SCMH1: variants seen among roughly 807,000 people sequenced by gnomAD.
SCMH1 encodes the protein polycomb protein SCMH1.
SCMH1 carries 37 observed loss-of-function variants against 70.8 expected under a neutral mutation model. The observed-to-expected ratio is 0.52, with a 90% CI of 0.40 to 0.69. SCMH1 has a LOEUF of 0.69. Among genes scored for constraint, SCMH1 ranks in the 30% least tolerant of loss-of-function variants. The pLI is 0.00. For synonymous variants in SCMH1, 292 were observed against 307.4 expected, an observed-to-expected ratio of 0.95 and a Z score of 0.52; for missense variants, 607 against 827.3, an observed-to-expected ratio of 0.73 and a Z score of 3.27.
At chr1:41,079,064 A>G (rs1222168035) in intron 8 of SCMH1, among the ~76,000 whole-genome samples, 1 of 152,202 alleles carries the variant, frequency 6.6e-6, no homozygotes, top group East Asian at 1.9e-4. Context: ...GTAGATTTTA[A>G]TAAGTCCAAT....
chr1:41,216,322 T>G (rs1658070530), intron 1 of SCMH1, among the ~76,000 whole-genome samples: 1 of 152,214 alleles, frequency 6.6e-6, no homozygotes, highest in Non-Finnish European at 1.5e-5. Flanking sequence ...AAAGTTGTGT[T>G]CTTGAAAAAT....
intron 13 of SCMH1, 86 bp from the exon 14 acceptor site, chr1:41,034,134 G>T: frequency 6.6e-7 from 1 of 1,524,226 alleles, no homozygotes; most frequent in South Asian, 1.3e-5. Flanking sequence ...GAGGTGAGAT[G>T]ACTGACTCAA....
chr1:41,036,445 C>T (rs1016972148), intron 13 of SCMH1, among the ~76,000 whole-genome samples: 4 of 152,194 alleles, frequency 2.6e-5, no homozygotes, highest in African/African-American at 9.6e-5. Context: ...ATTAAATTTG[C>T]CTTGTGAACA....
chr1:41,193,498 A>AG (rs1239365373), intron 1 of SCMH1, among the ~76,000 whole-genome samples: 1 of 151,942 alleles, frequency 6.6e-6, no homozygotes, highest in Non-Finnish European at 1.5e-5. Flanking sequence ...GGAAAACAGA[A>AG]GGGAATGATT....
chr1:41,061,526 C>A (rs1157664100), intron 10 of SCMH1, among the ~76,000 whole-genome samples: 4 of 152,154 alleles, frequency 2.6e-5, no homozygotes, highest in Admixed American at 2.0e-4. Flanking sequence ...TCCAAGAAGA[C>A]ATATCATTCC....
At chr1:41,027,278 G>A (rs1023974658) in exon 15 of SCMH1, 1 of 152,258 alleles carries the variant, frequency 6.6e-6, no homozygotes, top group Non-Finnish European at 1.5e-5. Flanking sequence ...CTGTGCTGCT[G>A]ACTTGCTTAC....
chr1:41,039,748 A>G lies in SCMH1; in HGVS notation c.1499-2207T>C, dbSNP rs117282589. On this transcript the variant is annotated intron_variant, in intron 12 of 14. Transcript: ENST00000337495. ...CTCGGTCTCCCAAAGTGTTGGGATC[A>G]CAGGTGTGAGCAACCACACCTGGCC... Among the ~76,000 whole-genome samples, 256 of 151,948 alleles carry G rather than the reference A, an allele frequency of 1.7e-3. 2 individuals carry two copies. In the East Asian group the frequency reaches 0.03, roughly 18 times the overall value.
In SCMH1 at chr1:41,155,018, T is replaced by TA. The variant is rs1557679670; in HGVS notation, c.107-3335dup. On this transcript the variant is annotated intron_variant, in intron 4 of 14. Coordinates refer to ENST00000337495, the Ensembl canonical transcript of SCMH1. ...AAGGGAATAAAATGAGGTGATGTGA[T>TA]AGAGACTGGGAGCTATCTTAGTAAA... Among the ~76,000 whole-genome samples the TA allele has an allele frequency of 4.6e-5, 7 of 152,320 alleles. No individual in the cohort carries two copies. The South Asian group carries it at 1.0e-3, about 23-fold the overall frequency.
intron 10 of SCMH1, among the ~76,000 whole-genome samples, chr1:41,061,378 G>A (rs1046125770): frequency 1.3e-5 from 2 of 152,162 alleles, no homozygotes; most frequent in Non-Finnish European, 2.9e-5. Flanking sequence ...AAAAGTAAAT[G>A]AGTAAAGAAA....
At chr1:41,143,638 A>G (rs1015202102) in intron 5 of SCMH1, among the ~76,000 whole-genome samples, 3 of 152,236 alleles carry the variant, frequency 2.0e-5, no homozygotes, top group African/African-American at 7.2e-5. Flanking sequence ...GTATATACTC[A>G]TATTACTATA....
At chr1:41,194,266 C>T (rs1475475226) in intron 1 of SCMH1, among the ~76,000 whole-genome samples, 3 of 152,170 alleles carry the variant, frequency 2.0e-5, no homozygotes, top group Non-Finnish European at 4.4e-5. Flanking sequence ...TATATTCATA[C>T]ACAGCCTAAT....
intron 2 of SCMH1, 22 bp downstream of exon 2, chr1:41,186,099 G>C: frequency 6.5e-7 from 1 of 1,546,570 alleles, no homozygotes; most frequent in Admixed American, 2.0e-5. Context: ...TTACCTCCAC[G>C]ATAGGGTAAA....
chr1:41,221,776 C>T (rs1659337958), intron 1 of SCMH1, among the ~76,000 whole-genome samples: 2 of 151,130 alleles, frequency 1.3e-5, no homozygotes, highest in Non-Finnish European at 2.9e-5. Context: ...CCTGTAGTCC[C>T]AGCTATTCAG....
intron 13 of SCMH1, among the ~76,000 whole-genome samples, chr1:41,030,581 CCA>C (rs1644381745): frequency 6.6e-6 from 1 of 152,160 alleles, no homozygotes; most frequent in African/African-American, 2.4e-5. Flanking sequence ...AATATTGATT[CCA>C]CAGAGAGGCC....
Position 41,180,941 on chromosome 1 carries a change from CA to C in SCMH1, c.13+5179del, listed in dbSNP as rs1248642884. ...CTAGAGGCATCACGCTACCTGACTTCAAACTATACTACAAGGCTACAGTAAC... is the reference window on the plus strand; with the variant it reads ...CTAGAGGCATCACGCTACCTGACTTCAACTATACTACAAGGCTACAGTAAC... On this transcript the variant is annotated intron_variant, in intron 2 of 14. Transcript: ENST00000337495. Among the ~76,000 whole-genome samples, 4 of 152,298 alleles carry C rather than the reference CA, an allele frequency of 2.6e-5. No homozygotes were observed. The East Asian group carries it at 7.7e-4, about 29-fold the overall frequency.
intron 1 of SCMH1, among the ~76,000 whole-genome samples, chr1:41,195,065 A>G (rs1652678105): frequency 8.0e-6 from 1 of 125,542 alleles, no homozygotes; most frequent in Admixed American, 1.0e-4. Flanking sequence ...TGGGAGGTGG[A>G]GGTTGTGGTG....
At chr1:41,224,797 A>G (rs538540809) in intron 1 of SCMH1, among the ~76,000 whole-genome samples, 2 of 152,276 alleles carry the variant, frequency 1.3e-5, no homozygotes, top group Admixed American at 6.5e-5. Context: ...CATACCCTCC[A>G]CTTCATTTGG....
chr1:41,104,550 T>C (rs1013265508), intron 8 of SCMH1, among the ~76,000 whole-genome samples: 2 of 152,240 alleles, frequency 1.3e-5, no homozygotes, highest in Non-Finnish European at 2.9e-5. Context: ...GATTTGATCA[T>C]TAAGCATTGT....
At chr1:41,052,272 G>A (rs1218246081) in intron 10 of SCMH1, among the ~76,000 whole-genome samples, 2 of 152,204 alleles carry the variant, frequency 1.3e-5, no homozygotes, top group African/African-American at 2.4e-5. Context: ...AGCAGCAGGC[G>A]AGTGAGCATT....
Sources: allele counts gnomAD v4.1 joint callset (sites outside exome capture counted in the v4.1 genomes callset), GRCh38; gene constraint gnomAD v4.1.1; transcripts MANE v1.5; gene names NCBI Gene and HGNC (gene_info 2026-07-23, HGNC 2026-07-21).